Variants in GPR158 observed in about 807,000 individuals in gnomAD.
GPR158 encodes metabotropic glycine receptor.
A neutral mutation model predicts 78.2 loss-of-function variants in GPR158; 30 were observed. That is an observed-to-expected ratio of 0.38 (90% confidence interval 0.29 to 0.52). GPR158 has a LOEUF of 0.52. Among genes scored for constraint, GPR158 ranks in the 20% least tolerant of loss-of-function variants. GPR158 has a pLI of 0.83. For synonymous variants in GPR158, 581 were observed against 591.1 expected (o/e 0.98, Z 0.25); for missense variants, 1,463 against 1,523.5 (o/e 0.96, Z 0.66).
At chr10:25,529,528 T>A (rs1836395109) in intron 5 of GPR158, among the ~76,000 whole-genome samples, 1 of 152,190 alleles carries the variant, frequency 6.6e-6, no homozygotes, top group African/African-American at 2.4e-5. Flanking sequence ...GCAAGTTGGA[T>A]TGGAGGTTGC....
intron 2 of GPR158, among the ~76,000 whole-genome samples, chr10:25,240,863 T>A (rs574619734): frequency 6.6e-6 from 1 of 152,334 alleles, no homozygotes; most frequent in Non-Finnish European, 1.5e-5. Context: ...AATATGTACC[T>A]TCATGAAGAT....
chr10:25,529,164 G>A (rs966550729), intron 5 of GPR158, among the ~76,000 whole-genome samples: 4 of 152,120 alleles, frequency 2.6e-5, no homozygotes, highest in Admixed American at 6.5e-5. Context: ...TGAGGCAGGC[G>A]GATCACGAGG....
intron 5 of GPR158, among the ~76,000 whole-genome samples, chr10:25,548,420 A>C (rs1310545195): frequency 6.6e-6 from 1 of 152,228 alleles, no homozygotes; most frequent in African/African-American, 2.4e-5. Flanking sequence ...CAAAGCATAA[A>C]TAAATCAACT....
intron 2 of GPR158, among the ~76,000 whole-genome samples, chr10:25,395,674 G>A (rs1167572515): frequency 6.6e-6 from 1 of 152,120 alleles, no homozygotes; most frequent in East Asian, 1.9e-4. Context: ...ATTGCCACAG[G>A]AAGTAAAGAT....
chr10:25,579,804 G>A (rs1295003150), intron 7 of GPR158, among the ~76,000 whole-genome samples: 1 of 151,992 alleles, frequency 6.6e-6, no homozygotes, highest in East Asian at 1.9e-4. Context: ...ATGTAATTGA[G>A]AATAAATCTA....
chr10:25,556,330 C>T (rs775529781), intron 6 of GPR158, among the ~76,000 whole-genome samples: 4 of 152,190 alleles, frequency 2.6e-5, no homozygotes, highest in Admixed American at 6.5e-5. Context: ...AGGGTTTTAA[C>T]GTGAAGCAGT....
intron 5 of GPR158, among the ~76,000 whole-genome samples, chr10:25,467,694 A>C (rs1397693529): frequency 6.6e-6 from 1 of 152,138 alleles, no homozygotes; most frequent in Admixed American, 6.5e-5. Context: ...GTACACGTCA[A>C]GAGAAGAGTG....
chr10:25,180,922 A>G (rs914366771), intron 1 of GPR158, among the ~76,000 whole-genome samples: 6 of 152,166 alleles, frequency 3.9e-5, no homozygotes, highest in Non-Finnish European at 8.8e-5. Flanking sequence ...TCACAATAGT[A>G]TGGAAATCTC....
intron 6 of GPR158, among the ~76,000 whole-genome samples, chr10:25,567,283 C>G (rs530140235): frequency 6.6e-6 from 1 of 152,266 alleles, no homozygotes; most frequent in African/African-American, 2.4e-5. Context: ...AAGCGGTCAG[C>G]CTATTGGAAA....
rs570783974 is a variant in GPR158 at position 25,207,216 on chromosome 10, A to T, written c.903-13836A>T. Among the ~76,000 whole-genome samples the T allele has an allele frequency of 2.0e-5, 3 of 152,244 alleles. No individual in the cohort carries two copies. In the East Asian group the frequency reaches 5.8e-4, roughly 29 times the overall value. ...TAAATCAGGACTTGACATTCTTGGCATATCCAGCAAGACCATGATGGGAAG... is the reference window on the plus strand; with the variant it reads ...TAAATCAGGACTTGACATTCTTGGCTTATCCAGCAAGACCATGATGGGAAG... On this transcript the variant is annotated intron_variant, in intron 1 of 10. Transcript: ENST00000376351.
At chr10:25,364,249 A>G (rs1855685658) in intron 2 of GPR158, among the ~76,000 whole-genome samples, 2 of 151,958 alleles carry the variant, frequency 1.3e-5, no homozygotes, top group Admixed American at 1.3e-4. Context: ...CAAATTCACC[A>G]GCATCGTCTT....
chr10:25,394,132 C>T (rs1329158161), intron 2 of GPR158, among the ~76,000 whole-genome samples: 1 of 152,206 alleles, frequency 6.6e-6, no homozygotes, highest in Non-Finnish European at 1.5e-5. Flanking sequence ...TAAGTTTGCT[C>T]AGGCCAAAAA....
At chr10:25,528,056 TAAAG>T (rs1165265757) in intron 5 of GPR158, among the ~76,000 whole-genome samples, 1 of 152,040 alleles carries the variant, frequency 6.6e-6, no homozygotes, top group Non-Finnish European at 1.5e-5. Flanking sequence ...TTCTCAGAAA[TAAAG>T]CTATAGACAA....
chr10:25,520,543 T>G (rs1486899116), intron 5 of GPR158, among the ~76,000 whole-genome samples: 16 of 150,082 alleles, frequency 1.1e-4, no homozygotes, highest in African/African-American at 1.5e-4. Flanking sequence ...GATGTACAGA[T>G]GGGTTTTCAG....
chr10:25,516,677 T>C (rs1224646258), intron 5 of GPR158, among the ~76,000 whole-genome samples: 1 of 113,248 alleles, frequency 8.8e-6, no homozygotes, highest in Non-Finnish European at 1.8e-5. Flanking sequence ...GATCAGATAG[T>C]TGTAGGTATG....
chr10:25,542,885 T>C (rs1329192072), intron 5 of GPR158, among the ~76,000 whole-genome samples: 3 of 151,220 alleles, frequency 2.0e-5, no homozygotes, highest in African/African-American at 7.3e-5. Context: ...TCTAATAGTC[T>C]CCTTTATATT....
chr10:25,328,766 A>C (rs1017728326), intron 2 of GPR158, among the ~76,000 whole-genome samples: 1 of 151,920 alleles, frequency 6.6e-6, no homozygotes. Flanking sequence ...GTCTGTACTA[A>C]AAATACAAAA....
At chr10:25,399,093 G>A (rs371362677) in intron 3 of GPR158, among the ~76,000 whole-genome samples, 1 of 152,172 alleles carries the variant, frequency 6.6e-6, no homozygotes, top group African/African-American at 2.4e-5. Flanking sequence ...GAGGCTTCAG[G>A]AAACTTACAA....
chr10:25,343,003 A>T (rs1475525259), intron 2 of GPR158, among the ~76,000 whole-genome samples: 2 of 151,924 alleles, frequency 1.3e-5, no homozygotes. Context: ...TAAGACACTG[A>T]TCAAGTAAAA....
Sources: allele counts gnomAD v4.1 joint callset (sites outside exome capture counted in the v4.1 genomes callset), GRCh38; gene constraint gnomAD v4.1.1; transcripts MANE v1.5; gene names NCBI Gene and HGNC (gene_info 2026-07-23, HGNC 2026-07-21).